Variants in FANCL observed in about 807,000 individuals in gnomAD.
FANCL encodes the protein FA complementation group L, also known as E3 ubiquitin-protein ligase FANCL.
Under a neutral mutation model 59.4 loss-of-function variants are expected in FANCL, and 69 were observed. That is an observed-to-expected ratio of 1.16 (90% CI 0.96 to 1.42). FANCL has a LOEUF of 1.42. Among genes scored for constraint, FANCL ranks in the 40% most tolerant of loss-of-function variants. FANCL has a pLI of 0.00. For missense variants in FANCL, 519 were observed against 447.2 expected (o/e 1.16, Z -1.45); for synonymous variants, 180 against 147.1 (o/e 1.22, Z -1.62).
At chr2:58,222,316 T>TTA (rs1553454872) in intron 4 of FANCL, among the ~76,000 whole-genome samples, 1 of 150,872 alleles carries the variant, frequency 6.6e-6, no homozygotes, top group African/African-American at 2.4e-5. Flanking sequence ...CTATCGGAGA[T>TTA]AAAAAAAAAA....
chr2:58,197,825 T>C (rs1689578218), intron 7 of FANCL, among the ~76,000 whole-genome samples: 1 of 152,202 alleles, frequency 6.6e-6, no homozygotes, highest in African/African-American at 2.4e-5. Flanking sequence ...CAGTCATAAT[T>C]CATTCTCCTC....
chr2:58,230,047 C>T (rs138568717), intron 2 of FANCL, among the ~76,000 whole-genome samples, 173 bp from the exon 3 acceptor site: 21 of 152,284 alleles, frequency 1.4e-4, no homozygotes, highest in Non-Finnish European at 2.2e-4. Flanking sequence ...ACTGTTGGTA[C>T]TAATTTTATT....
chr2:58,211,901 G>A (rs1232618853), intron 5 of FANCL, among the ~76,000 whole-genome samples: 6 of 152,118 alleles, frequency 3.9e-5, no homozygotes, highest in Non-Finnish European at 1.5e-5. Context: ...TTTGGGCAAA[G>A]CCAAGCAACT....
At chr2:58,217,057 A>T (rs1691791743) in intron 5 of FANCL, among the ~76,000 whole-genome samples, 2 of 148,070 alleles carry the variant, frequency 1.4e-5, no homozygotes. Flanking sequence ...AGAGAAATAA[A>T]AACAACAGAA....
At chr2:58,196,269 G>C (rs1286421645) in intron 7 of FANCL, among the ~76,000 whole-genome samples, 4 of 151,946 alleles carry the variant, frequency 2.6e-5, no homozygotes, top group African/African-American at 9.7e-5. Flanking sequence ...ACAGAAAAGG[G>C]GGTCAGGTCT....
intron 4 of FANCL, among the ~76,000 whole-genome samples, chr2:58,222,896 T>G (rs955426275): frequency 6.6e-6 from 1 of 151,888 alleles, no homozygotes; most frequent in Non-Finnish European, 1.5e-5. Context: ...CGAAAGTAGA[T>G]AGGGACAAGT....
Position 58,221,814 on chromosome 2 carries a change from G to A in FANCL, c.374+128C>T. 10 of 665,262 alleles carry A rather than the reference G, an allele frequency of 1.5e-5. No individual in the cohort carries two copies. The South Asian group carries it at 1.8e-4, about 12-fold the overall frequency. The allele number at this position is 665,262 out of a possible 1,614,324, so 41.2% of individuals were successfully genotyped here. The stretch of plus-strand genomic sequence containing the variant: ...TCTCTTTAATTCACAGCAACAATAA[G>A]GATCAAATACTCTAGTTACAATTAA... On this transcript the variant is annotated intron_variant, in intron 5 of 13. Coordinates refer to ENST00000233741, the MANE Select transcript of FANCL (RefSeq NM_018062.4).
intron 6 of FANCL, among the ~76,000 whole-genome samples, chr2:58,200,063 A>G (rs1489909630): frequency 1.3e-5 from 2 of 151,906 alleles, no homozygotes; most frequent in African/African-American, 2.4e-5. Flanking sequence ...AGGCAAATAG[A>G]TAAGAAATCA....
At chr2:58,236,137 T>A (rs1273162581) in intron 1 of FANCL, among the ~76,000 whole-genome samples, 2 of 149,992 alleles carry the variant, frequency 1.3e-5, no homozygotes, top group Non-Finnish European at 3.0e-5. Flanking sequence ...TCCAAGAAGC[T>A]CCACAGACCT....
chr2:58,223,864 C>A (rs1426725741), intron 4 of FANCL, among the ~76,000 whole-genome samples: 1 of 151,926 alleles, frequency 6.6e-6, no homozygotes, highest in African/African-American at 2.4e-5. Context: ...TCAATAACTA[C>A]TGATTTCATG....
intron 2 of FANCL, 71 bp downstream of exon 2, chr2:58,231,983 A>G: frequency 1.5e-6 from 2 of 1,305,770 alleles, no homozygotes; most frequent in Admixed American, 1.7e-5. Context: ...ACTAGAATCA[A>G]TTTATACCAA....
chr2:58,161,814 ATTC>A (rs1311135882), intron 11 of FANCL, among the ~76,000 whole-genome samples, 176 bp from the exon 12 acceptor site: 5 of 151,976 alleles, frequency 3.3e-5, no homozygotes, highest in African/African-American at 9.7e-5. Flanking sequence ...GAACATTACA[ATTC>A]TTCTAACTAC....
chr2:58,180,557 G>C (rs111310815), intron 7 of FANCL, among the ~76,000 whole-genome samples: 2,990 of 152,076 alleles, frequency 0.02, 111 homozygotes, highest in African/African-American at 0.069. Flanking sequence ...GGGCCTGTCG[G>C]GGGGTGGGGG....
At chr2:58,172,359 G>A (rs902880423) in intron 7 of FANCL, among the ~76,000 whole-genome samples, 1 of 152,188 alleles carries the variant, frequency 6.6e-6, no homozygotes, top group South Asian at 2.1e-4. Flanking sequence ...GCCCAGTAGG[G>A]GCAGACTGAC....
intron 6 of FANCL, among the ~76,000 whole-genome samples, chr2:58,202,601 G>C (rs1358185427): frequency 6.6e-6 from 1 of 151,098 alleles, no homozygotes; most frequent in Non-Finnish European, 1.5e-5. Flanking sequence ...ATCTATAAAA[G>C]TGCTTCGTAA....
At chr2:58,180,089 T>C (rs542010887) in intron 7 of FANCL, among the ~76,000 whole-genome samples, 1 of 152,124 alleles carries the variant, frequency 6.6e-6, no homozygotes, top group Non-Finnish European at 1.5e-5. Context: ...CTGAAGAGGA[T>C]GTGGAGAAAT....
At chr2:58,210,392 C>T (rs912512113) in intron 5 of FANCL, among the ~76,000 whole-genome samples, 1 of 152,198 alleles carries the variant, frequency 6.6e-6, no homozygotes, top group East Asian at 1.9e-4. Context: ...TTATTCATTA[C>T]CATGAGAACA....
At chr2:58,170,009 A>G (rs1446008467) in intron 7 of FANCL, among the ~76,000 whole-genome samples, 1 of 152,200 alleles carries the variant, frequency 6.6e-6, no homozygotes, top group African/African-American at 2.4e-5. Context: ...AGCTTCTCCA[A>G]CATTCCAATT....
chr2:58,176,496 C>T (rs183938116), intron 7 of FANCL, among the ~76,000 whole-genome samples: 5 of 152,092 alleles, frequency 3.3e-5, no homozygotes, highest in East Asian at 1.9e-4. Context: ...ACTACCTGAT[C>T]GTTGACAAAC....
Sources: gnomAD v4.1 joint callset for allele counts (sites outside exome capture counted in the v4.1 genomes callset) on GRCh38, gnomAD v4.1.1 for gene constraint, MANE v1.5 for transcripts, NCBI Gene and HGNC (gene_info 2026-07-23, HGNC 2026-07-21) for gene names.